ERN2: variants seen among roughly 807,000 people sequenced by gnomAD.
ERN2 encodes serine/threonine-protein kinase/endoribonuclease IRE2.
A neutral mutation model predicts 107.9 loss-of-function variants in ERN2; 111 were observed. That is an observed-to-expected ratio of 1.03 (90% confidence interval 0.88 to 1.20). The LOEUF (loss-of-function observed/expected upper bound fraction) is 1.20, where lower values mean the gene tolerates loss of function less well. ERN2 is among the 50% of genes most tolerant of loss of function. ERN2 has a pLI of 0.00. For synonymous variants in ERN2, 524 were observed against 501.7 expected (o/e 1.04, Z -0.59); for missense variants, 1,225 against 1,197.9 (o/e 1.02, Z -0.33).
At position 23,701,114 on chromosome 16, in the gene ERN2, G is replaced by T; in HGVS notation, c.1204C>A (p.Leu402Ile). Residue 402 changes from leucine (L) to isoleucine (I), a missense_variant and splice_region_variant, in exon 12 of 22, where the codon CTA becomes ATA. Transcript: ENST00000256797. ...AGTTTCTCTCGGCTCAGGCTCAATAGCTGGGGATAAAGGGCCCTTCACTTT... is the reference window on the plus strand; with the variant it reads ...AGTTTCTCTCGGCTCAGGCTCAATATCTGGGGATAAAGGGCCCTTCACTTT... Reference protein sequence around the residue: ...NTQAPAFFLELLSLSREKLWD... With the variant: ...NTQAPAFFLEILSLSREKLWD... The T allele has an allele frequency of 6.2e-7, 1 of 1,612,620 alleles. No homozygotes were observed. Among genetic ancestry groups the T allele is most frequent in the Non-Finnish European group, 8.5e-7 (1 of 1,179,528 alleles).
chr16:23,709,208 A>G (rs1352457434), intron 4 of ERN2: 2 of 455,488 alleles, frequency 4.4e-6, no homozygotes, highest in Admixed American at 4.7e-5. Context: ...AGGTGCGAGG[A>G]TTGCTTGAGG....
Position 23,695,311 on chromosome 16 carries a change from T to G in ERN2, c.1689A>C (p.Gln563His), listed in dbSNP as rs750459036. ...ECFGLVRREV[Q>H]LLQESDRHPN... The stretch of plus-strand genomic sequence containing the variant: ...GGTGCCTGTCAGACTCCTGCAGCAG[T>G]TGAACTTCCCGCCGAACCAGGCCAA... Residue 563 changes from glutamine (Q) to histidine (H), a missense_variant, in exon 15 of 22, where the codon CAA (glutamine) becomes CAC (histidine). Physicochemically the swap from Gln to His is conservative, Grantham distance 24 (BLOSUM62 0). Transcript: ENST00000256797. The G allele has an allele frequency of 6.2e-7, 1 of 1,613,560 alleles. No homozygotes were observed. Among genetic ancestry groups the G allele is most frequent in the Non-Finnish European group, 8.5e-7 (1 of 1,179,920 alleles).
rs759633386 is a variant in ERN2, at chr16:23,710,499, G to A, written c.233+17C>T. The A allele has an allele frequency of 3.7e-6, 6 of 1,613,630 alleles. No homozygotes were observed. The East Asian group carries it at 8.9e-5, about 24-fold the overall frequency. Reference sequence around the variant, plus strand: ...CTCCCAGAAGCCTCCTCCTTAAAAGGCCCCAGGTTCACTTACTCTGTGACG... The same window carrying A: ...CTCCCAGAAGCCTCCTCCTTAAAAGACCCCAGGTTCACTTACTCTGTGACG... On this transcript the variant is annotated intron_variant, in intron 3 of 21. Coordinates refer to ENST00000256797, the MANE Select transcript of ERN2 (RefSeq NM_033266.4).
At chr16:23,698,540 T>C (rs1353137716) in intron 13 of ERN2, among the ~76,000 whole-genome samples, 1 of 152,158 alleles carries the variant, frequency 6.6e-6, no homozygotes, top group Non-Finnish European at 1.5e-5. Context: ...GCCAAGCACA[T>C]GTAGATGAAT....
chr16:23,702,245 G>A lies in ERN2; in HGVS notation c.1110C>T (p.His370=), dbSNP rs776299833. The change falls in exon 11 of 22, where the codon CAC becomes CAT. Residue 370 remains histidine (H), a synonymous_variant. Transcript: ENST00000256797. ...TGGGATGGACCCTCAGCATGGTGGTGTGCAGGACTGGGGGTAGCTCGTGGT... is the reference window on the plus strand; with the variant it reads ...TGGGATGGACCCTCAGCATGGTGGTATGCAGGACTGGGGGTAGCTCGTGGT... ...IGHHELPPVL[H]TTMLRVHPTL... is the part of the protein sequence containing the mutation. The A allele has an allele frequency of 3.7e-6, 6 of 1,614,180 alleles. No individual in the cohort carries two copies. The highest frequency in any genetic ancestry group is 5.1e-6 in the Non-Finnish European group (6 of 1,180,036).
chr16:23,692,298 C>T lies in ERN2; in HGVS notation c.2134G>A (p.Val712Met), dbSNP rs143193519. The change falls in exon 18 of 22, where the codon GTG (valine) becomes ATG (methionine). Residue 712 changes from valine to methionine, a missense_variant. By Grantham distance (21) the Val-to-Met change is conservative. Transcript: ENST00000256797. The stretch of plus-strand genomic sequence containing the variant: ...CCACCAGAAAGCACGTAGTAGAACA[C>T]GCAGCCTGCAGAGAAGATGTCCACA... The part of the protein sequence containing the change: ...SAVDIFSAGC[V>M]FYYVLSGGSH... 5.0e-4 allele frequency: 799 copies of T among 1,613,918 alleles called. No homozygotes were observed. Among genetic ancestry groups the T allele is most frequent in the Non-Finnish European group, 6.2e-4 (733 of 1,180,034 alleles).
At chr16:23,700,936 T>C (rs774706995) in intron 12 of ERN2, 23 bp downstream of exon 12, 2 of 1,609,460 alleles carry the variant, frequency 1.2e-6, no homozygotes, top group Non-Finnish European at 1.7e-6. Flanking sequence ...CAGATAGACC[T>C]GAGGTCAGGG....
At chr16:23,707,781 C>T (rs1384289214) in intron 4 of ERN2, among the ~76,000 whole-genome samples, 1 of 152,046 alleles carries the variant, frequency 6.6e-6, no homozygotes, top group Non-Finnish European at 1.5e-5. Flanking sequence ...AGTTTAATTC[C>T]AAAAATCCAA....
intron 1 of ERN2, chr16:23,712,121 C>A: frequency 4.8e-6 from 2 of 419,238 alleles, no homozygotes; most frequent in Admixed American, 2.6e-5. Flanking sequence ...AGGTTTGGGG[C>A]TGGGCCACTG....
intron 19 of ERN2, among the ~76,000 whole-genome samples, 138 bp downstream of exon 19, chr16:23,691,800 GAGTTTAGGAGTCCAGGCTGGCTCCC>G (rs1391409554): frequency 6.6e-6 from 1 of 152,226 alleles, no homozygotes; most frequent in South Asian, 2.1e-4. Flanking sequence ...CAAGATGGCG[GAGTTTAGGAGTCCAGGCTGGCTCCC>G]AGTTTAGGGA....
At chr16:23,711,846 T>G (rs1960551883) in intron 1 of ERN2, 2 of 194,746 alleles carry the variant, frequency 1.0e-5, no homozygotes, top group Non-Finnish European at 2.3e-5. Context: ...GTCTACCTCT[T>G]TTGGGATGCC....
intron 14 of ERN2, 96 bp from the exon 15 acceptor site, chr16:23,695,485 G>A (rs1959777578): frequency 7.9e-7 from 1 of 1,260,054 alleles, no homozygotes; most frequent in South Asian, 1.4e-5. Context: ...TAGCACTTTG[G>A]GAGGCCAAGG....
At chr16:23,710,469 C>A in intron 3 of ERN2, 47 bp downstream of exon 3, 1 of 1,592,874 alleles carries the variant, frequency 6.3e-7, no homozygotes, top group Non-Finnish European at 8.6e-7. Flanking sequence ...CTATGAGTCC[C>A]CCATCTCCCA....
rs888569785 is a variant in ERN2 at position 23,690,553 on chromosome 16, C to T, written c.*278G>A. 4 of 498,244 alleles carry T rather than the reference C, an allele frequency of 8.0e-6. No homozygotes were observed. The highest frequency in any genetic ancestry group is 7.7e-5 in the African/African-American group (4 of 51,940). The allele number at this position is 498,244 out of a possible 1,614,324, so 30.9% of individuals were successfully genotyped here. ...CACTGCAGCCTCGAACTCCTGGGCT[C>T]AAGTGATTCTCCCACCTCAGCCTCC... On this transcript the variant is annotated 3_prime_UTR_variant, in exon 22 of 22. Coordinates refer to ENST00000256797, the MANE Select transcript of ERN2 (RefSeq NM_033266.4).
At position 23,706,360 on chromosome 16, in the gene ERN2, C is replaced by G. The variant is rs1186862629; in HGVS notation, c.559G>C (p.Ala187Pro). 1 of 1,560,630 alleles carries G rather than the reference C, an allele frequency of 6.4e-7. No individual in the cohort carries two copies. Among genetic ancestry groups the G allele is most frequent in the African/African-American group, 1.4e-5 (1 of 73,036 alleles). The change falls in exon 7 of 22, where the codon GCG becomes CCG. Residue 187 changes from alanine to proline, a missense_variant. By Grantham distance (27) the Ala-to-Pro change is conservative (BLOSUM62 -1). Coordinates refer to ENST00000256797, the MANE Select transcript of ERN2 (RefSeq NM_033266.4). Reference protein sequence around the residue: ...RWNTTYRRYSAPPMDGSPGKY... With the variant: ...RWNTTYRRYSPPPMDGSPGKY... The stretch of plus-strand genomic sequence containing the variant: ...CCAGGTGAGCCATCCATGGGGGGCG[C>G]TGAGTAGCGGCGGTAGGTGGTGTTC...
At chr16:23,706,254 G>A (rs542929454) in intron 7 of ERN2, 76 bp downstream of exon 7, 1 of 997,100 alleles carries the variant, frequency 1.0e-6, no homozygotes, top group East Asian at 2.7e-5. Context: ...GCTGGGAATT[G>A]GTCATGGATG....
chr16:23,692,664 C>T (rs963787207), intron 17 of ERN2, among the ~76,000 whole-genome samples: 2 of 152,024 alleles, frequency 1.3e-5, no homozygotes, highest in African/African-American at 4.8e-5. Context: ...GTTTTTTCTG[C>T]AGGGGCAGCT....
chr16:23,695,091 C>T lies in ERN2; in HGVS notation c.1828G>A (p.Gly610Arg). The T allele has an allele frequency of 7.4e-6, 12 of 1,613,898 alleles. No individual in the cohort carries two copies. Among genetic ancestry groups the T allele is most frequent in the Non-Finnish European group, 9.3e-6 (11 of 1,179,896 alleles). Residue 610 changes from glycine to arginine, a missense_variant, in exon 16 of 22, where the codon GGG becomes AGG. Gly to Arg is a moderately radical substitution (Grantham distance 125, BLOSUM62 -2). Transcript: ENST00000256797. Reference sequence around the variant, plus strand: ...AGCACGACCTCGGGCTCCAGACCCCCGCGATCCAGGTCCGGGTTTTCTACG... The same window carrying T: ...AGCACGACCTCGGGCTCCAGACCCCTGCGATCCAGGTCCGGGTTTTCTACG... ...EYVENPDLDRGGLEPEVVLQQ... is the reference protein window; with the variant it reads ...EYVENPDLDRRGLEPEVVLQQ...
intron 11 of ERN2, 75 bp from the exon 12 acceptor site, chr16:23,701,189 A>T: frequency 4.0e-6 from 6 of 1,486,470 alleles, no homozygotes; most frequent in South Asian, 1.3e-5. Context: ...ATCACCCAGC[A>T]CAGAGCTGGG....
Sources: allele counts gnomAD v4.1 joint callset (sites outside exome capture counted in the v4.1 genomes callset), GRCh38; gene constraint gnomAD v4.1.1; transcripts MANE v1.5; gene names NCBI Gene and HGNC (gene_info 2026-07-23, HGNC 2026-07-21).